Variants in DGKB observed in about 807,000 individuals in gnomAD.
DGKB encodes the protein 90 kDa diacylglycerol kinase.
In DGKB, 67 loss-of-function variants were observed where a neutral mutation model predicts 114.3. The observed-to-expected ratio is 0.59, with a 90% confidence interval of 0.48 to 0.72. The LOEUF is 0.72. DGKB is among the 30% of genes least tolerant of loss of function. The pLI, the probability that DGKB is intolerant of heterozygous loss-of-function variation, is 0.00. For synonymous variants in DGKB, 398 were observed against 323.1 expected (o/e 1.23, Z -2.49); for missense variants, 907 against 975.2 (o/e 0.93, Z 0.93).
intron 17 of DGKB, among the ~76,000 whole-genome samples, chr7:14,588,930 C>T (rs559820859): frequency 2.6e-5 from 4 of 152,034 alleles, no homozygotes; most frequent in East Asian, 1.9e-4. Context: ...TAAGAAAAAC[C>T]AATCATGATT....
chr7:14,192,639 A>G (rs1784469150), intron 23 of DGKB, among the ~76,000 whole-genome samples: 1 of 152,158 alleles, frequency 6.6e-6, no homozygotes, highest in Admixed American at 6.5e-5. Flanking sequence ...CATGGATGAC[A>G]GTTTTTCCAC....
chr7:14,718,748 A>G (rs1828653746), intron 5 of DGKB, 63 bp from the exon 6 acceptor site: 1 of 1,251,452 alleles, frequency 8.0e-7, no homozygotes, highest in Admixed American at 2.3e-5. Flanking sequence ...CAGAAAACAA[A>G]TTAAGAAAAT....
chr7:14,671,227 T>C (rs1312807346), intron 13 of DGKB, among the ~76,000 whole-genome samples: 1 of 151,966 alleles, frequency 6.6e-6, no homozygotes, highest in African/African-American at 2.4e-5. Context: ...CATGTCGACA[T>C]TGTGAACCCA....
At chr7:14,827,473 C>T (rs1386374255) in intron 2 of DGKB, among the ~76,000 whole-genome samples, 2 of 151,910 alleles carry the variant, frequency 1.3e-5, no homozygotes, top group Admixed American at 6.6e-5. Flanking sequence ...ACTAACTACA[C>T]GGAGAAATCT....
At chr7:14,568,794 T>G (rs1797962257) in intron 20 of DGKB, among the ~76,000 whole-genome samples, 1 of 152,216 alleles carries the variant, frequency 6.6e-6, no homozygotes, top group Non-Finnish European at 1.5e-5. Context: ...GCAAGGTTCT[T>G]TGTATATTGT....
intron 2 of DGKB, among the ~76,000 whole-genome samples, chr7:14,779,561 T>C (rs764123999): frequency 1.1e-4 from 16 of 152,186 alleles, no homozygotes; most frequent in Admixed American, 2.6e-4. Flanking sequence ...AAGATTCAGC[T>C]AGTTTAAGCA....
intron 20 of DGKB, among the ~76,000 whole-genome samples, chr7:14,569,510 C>T (rs769034603): frequency 6.6e-5 from 10 of 152,092 alleles, no homozygotes; most frequent in Non-Finnish European, 1.2e-4. Flanking sequence ...TAGGTTTGAA[C>T]ATTATCAACT....
At chr7:14,875,508 T>C (rs1053963098) in intron 1 of DGKB, among the ~76,000 whole-genome samples, 7 of 152,198 alleles carry the variant, frequency 4.6e-5, no homozygotes, top group African/African-American at 1.7e-4. Context: ...AAGCATAATA[T>C]AATGTCTTTT....
At chr7:14,843,360 C>G (rs1411700347) in intron 1 of DGKB, among the ~76,000 whole-genome samples, 2 of 104,926 alleles carry the variant, frequency 1.9e-5, no homozygotes, top group African/African-American at 7.6e-5. Context: ...CGGAGTCTCG[C>G]TCTGTCGCCC....
intron 23 of DGKB, among the ~76,000 whole-genome samples, chr7:14,181,604 A>G (rs1285092409): frequency 1.3e-5 from 2 of 152,192 alleles, no homozygotes; most frequent in African/African-American, 4.8e-5. Flanking sequence ...GTGTGAGAAA[A>G]AGAAGAATCA....
At position 14,269,458 on chromosome 7, in the gene DGKB, G is replaced by C. The variant is rs565730287; in HGVS notation, c.2122+69057C>G. Among the ~76,000 whole-genome samples, 5 of 152,298 alleles carry C rather than the reference G, an allele frequency of 3.3e-5. 1 individual carries two copies. Among genetic ancestry groups the C allele is most frequent in the African/African-American group, 1.2e-4 (5 of 41,572 alleles). On this transcript the variant is annotated intron_variant, in intron 23 of 25. Transcript: ENST00000402815. The stretch of plus-strand genomic sequence containing the variant: ...AAATGGTCTGTTTGGTTCTGAATTA[G>C]AGGTGACAGTGTAACTAGTGAACAT...
upstream of DGKB, among the ~76,000 whole-genome samples, chr7:14,904,851 A>G (rs1264971768): frequency 6.6e-6 from 1 of 152,134 alleles, no homozygotes; most frequent in Admixed American, 6.5e-5. Context: ...TGTACACTGC[A>G]GTGTAAGGAA....
chr7:14,147,367 A>T lies in DGKB; in HGVS notation c.*1764T>A, dbSNP rs1781587495. 1 of 152,130 alleles carries T rather than the reference A, an allele frequency of 6.6e-6. No individual in the cohort carries two copies. The highest frequency in any genetic ancestry group is 6.6e-5 in the Admixed American group (1 of 15,264). 9.4% of individuals were successfully genotyped at this position (152,130 alleles called of 1,614,324 possible). ...AAGTAATTAAGCTTATTGTTGATTG[A>T]TATTTACCGTCCAATGTTCCAGGAA... On this transcript the variant is annotated 3_prime_UTR_variant, in exon 26 of 26. Coordinates refer to ENST00000402815, the MANE Select transcript of DGKB (RefSeq NM_001350709.2).
chr7:14,962,056 C>G (rs1441774400), intron 1 of DGKB, among the ~76,000 whole-genome samples: 1 of 152,020 alleles, frequency 6.6e-6, no homozygotes, highest in African/African-American at 2.4e-5. Flanking sequence ...ATATCACCAG[C>G]CATAAAACCG....
intron 13 of DGKB, among the ~76,000 whole-genome samples, chr7:14,662,211 AAAAAAAT>A (rs1017911050): frequency 1.3e-4 from 2 of 14,980 alleles, no homozygotes; most frequent in Non-Finnish European, 3.4e-4. Flanking sequence ...ATAATAATTA[AAAAAAAT>A]AAAAATAAAA....
intron 25 of DGKB, among the ~76,000 whole-genome samples, chr7:14,165,088 T>C (rs967688287): frequency 6.6e-6 from 1 of 152,132 alleles, no homozygotes; most frequent in Admixed American, 6.6e-5. Context: ...GTAATCTTCC[T>C]AAGCAGTTTT....
chr7:14,638,690 C>T (rs1811189119), intron 13 of DGKB, among the ~76,000 whole-genome samples: 1 of 152,086 alleles, frequency 6.6e-6, no homozygotes, highest in Non-Finnish European at 1.5e-5. Flanking sequence ...GTTTCAAGTT[C>T]AATTCCTGCT....
chr7:14,867,745 G>A (rs376256914), intron 1 of DGKB, among the ~76,000 whole-genome samples: 79 of 152,078 alleles, frequency 5.2e-4, no homozygotes, highest in African/African-American at 1.8e-3. Flanking sequence ...TCCTTTGAGA[G>A]CGCTCTTTAT....
rs77999379 is a variant in DGKB, at chr7:14,687,366, G to A, written c.712-2004C>T. On this transcript the variant is annotated intron_variant, in intron 9 of 25. Transcript: ENST00000402815. Reference sequence around the variant, plus strand: ...ACAAAGTCTCAACAAATACAGCTACGCAGGTGTCATACAGAAAACTTCAGA... The same window carrying A: ...ACAAAGTCTCAACAAATACAGCTACACAGGTGTCATACAGAAAACTTCAGA... 9.2e-3 allele frequency among the ~76,000 whole-genome samples: 1,401 copies of A among 152,186 alleles called. 17 individuals are homozygous for A. The highest frequency in any genetic ancestry group is 0.032 in the African/African-American group (1,319 of 41,514).
Sources: allele counts gnomAD v4.1 joint callset (sites outside exome capture counted in the v4.1 genomes callset), GRCh38; gene constraint gnomAD v4.1.1; transcripts MANE v1.5; gene names NCBI Gene and HGNC (gene_info 2026-07-23, HGNC 2026-07-21).